GNAO1: variants seen among roughly 807,000 people sequenced by gnomAD.
GNAO1 encodes G protein subunit alpha o1, also known as guanine nucleotide-binding protein G(o) subunit alpha.
For synonymous variants in GNAO1, 164 were observed against 180.7 expected, an observed-to-expected ratio of 0.91 and a Z score of 0.74; for missense variants, 166 against 478.7, an observed-to-expected ratio of 0.35 and a Z score of 6.10.
In GNAO1 at chr16:56,284,985, C is replaced by T. The variant is rs141937696; in HGVS notation, c.303+8913C>T. 7.6e-3 allele frequency among the ~76,000 whole-genome samples: 1,156 copies of T among 152,330 alleles called. 12 individuals carry two copies. The highest frequency in any genetic ancestry group is 7.7e-3 in the Non-Finnish European group (526 of 68,032). Reference sequence around the variant, plus strand: ...GAGCAGGCACTCAGCCTCCAGGGCTCCAGCACATTGGCCCCTGCAGAGGCC... The same window carrying T: ...GAGCAGGCACTCAGCCTCCAGGGCTTCAGCACATTGGCCCCTGCAGAGGCC... On this transcript the variant is annotated intron_variant, in intron 3 of 8. Coordinates refer to ENST00000262493, the MANE Select transcript of GNAO1 (RefSeq NM_020988.3).
intron 3 of GNAO1, among the ~76,000 whole-genome samples, chr16:56,325,415 G>A (rs1195270630): frequency 1.3e-5 from 2 of 152,242 alleles, no homozygotes; most frequent in Admixed American, 6.5e-5. Context: ...GGCGGAGGTT[G>A]TGGTGAGCTG....
chr16:56,246,514 GT>G (rs2036745694), intron 2 of GNAO1, among the ~76,000 whole-genome samples: 1 of 152,208 alleles, frequency 6.6e-6, no homozygotes, highest in African/African-American at 2.4e-5. Context: ...CAAGTTCAGT[GT>G]CTCCTGGCTA....
intron 3 of GNAO1, among the ~76,000 whole-genome samples, chr16:56,308,678 G>A (rs2037422312): frequency 2.6e-5 from 4 of 152,212 alleles, no homozygotes; most frequent in Admixed American, 2.6e-4. Context: ...ATGTTGGGTG[G>A]AGGAACAGGA....
intron 2 of GNAO1, among the ~76,000 whole-genome samples, chr16:56,229,755 G>T (rs2036570739): frequency 6.6e-6 from 1 of 151,904 alleles, no homozygotes; most frequent in Non-Finnish European, 1.5e-5. Context: ...AAACCTTGAG[G>T]CCCAGAAACT....
intron 2 of GNAO1, chr16:56,213,196 G>C: frequency 2.5e-6 from 1 of 397,726 alleles, no homozygotes; most frequent in Non-Finnish European, 4.4e-6. Context: ...ACACAAAAGT[G>C]TTTGAAATTA....
chr16:56,311,605 C>T lies in GNAO1; in HGVS notation c.304-17026C>T, dbSNP rs183444789. Among the ~76,000 whole-genome samples, 592 of 152,220 alleles carry T rather than the reference C, an allele frequency of 3.9e-3. 9 individuals are homozygous for T. Among genetic ancestry groups the T allele is most frequent in the Middle Eastern group, 0.014 (4 of 294 alleles). On this transcript the variant is annotated intron_variant, in intron 3 of 8. Transcript: ENST00000262493. This position sits in a 1 kb window ranked among gnomAD's most constrained non-coding sequence, Gnocchi z 5.2. ...CTGGCCCTGCGCTGAACTGAGAACC[C>T]GAGGAGCGCGTCCCCTCCCTCCTCC...
intron 6 of GNAO1, chr16:56,343,674 G>A (rs1012735497): frequency 1.8e-5 from 19 of 1,046,972 alleles, no homozygotes; most frequent in Admixed American, 1.3e-4. Context: ...CCCAAGGCCG[G>A]ATGGCCACAC....
chr16:56,340,587 G>A, intron 6 of GNAO1: 3 of 483,164 alleles, frequency 6.2e-6, no homozygotes, highest in Non-Finnish European at 1.1e-5. Flanking sequence ...TCTTTGGAAG[G>A]GGGCAGCATC....
intron 3 of GNAO1, among the ~76,000 whole-genome samples, chr16:56,295,255 G>T (rs3790095): frequency 0.22 from 32,715 of 152,046 alleles, 3,974 homozygotes; most frequent in East Asian, 0.41. Flanking sequence ...TTGAACTTGT[G>T]GACTCTGGGG....
At chr16:56,213,776 C>T (rs2036413356) in intron 2 of GNAO1, among the ~76,000 whole-genome samples, 1 of 152,088 alleles carries the variant, frequency 6.6e-6, no homozygotes, top group Admixed American at 6.5e-5. Flanking sequence ...TACAGAGGCT[C>T]CAAGTCCCGA....
chr16:56,268,921 G>A (rs765490803), intron 2 of GNAO1, among the ~76,000 whole-genome samples: 12 of 152,184 alleles, frequency 7.9e-5, no homozygotes, highest in Non-Finnish European at 1.5e-4. Context: ...GATTAAAAAT[G>A]TGTCATATGA....
chr16:56,192,735 C>CACAA (rs1232626341), intron 2 of GNAO1, 119 bp downstream of exon 2: 1 of 672,538 alleles, frequency 1.5e-6, no homozygotes, highest in African/African-American at 1.8e-5. Flanking sequence ...TGCACACACA[C>CACAA]ACACACACAC....
At chr16:56,285,100 C>CA (rs1489552743) in intron 3 of GNAO1, among the ~76,000 whole-genome samples, 1 of 152,192 alleles carries the variant, frequency 6.6e-6, no homozygotes, top group African/African-American at 2.4e-5. Flanking sequence ...GGGCTGCCAT[C>CA]AGTCTCTACA....
At chr16:56,297,522 G>GGTGTGTGTGTGTGTGTGTGT in intron 3 of GNAO1, among the ~76,000 whole-genome samples, 1 of 134,408 alleles carries the variant, frequency 7.4e-6, no homozygotes, top group East Asian at 2.2e-4. Flanking sequence ...TTGTCTAACT[G>GGTGTGTGTGTGTGTGTGTGT]GTGTGTGTGT....
chr16:56,272,954 A>T (rs563931049), intron 2 of GNAO1, among the ~76,000 whole-genome samples: 3 of 152,234 alleles, frequency 2.0e-5, no homozygotes, highest in Admixed American at 1.3e-4. Flanking sequence ...TGCCTGCACC[A>T]CTCAGGTCAC....
intron 2 of GNAO1, among the ~76,000 whole-genome samples, chr16:56,267,118 G>A (rs1409482045): frequency 2.6e-5 from 4 of 152,180 alleles, no homozygotes; most frequent in Non-Finnish European, 5.9e-5. Context: ...TACAAGAGCA[G>A]AGTTAGTGGG....
intron 3 of GNAO1, among the ~76,000 whole-genome samples, chr16:56,312,787 G>A (rs1174847360): frequency 2.0e-5 from 3 of 152,204 alleles, no homozygotes; most frequent in African/African-American, 7.2e-5. Context: ...TGGGGCACGT[G>A]CCACCGCTCT....
intron 6 of GNAO1, among the ~76,000 whole-genome samples, chr16:56,337,629 C>G (rs559184161): frequency 6.6e-6 from 1 of 152,342 alleles, no homozygotes; most frequent in Non-Finnish European, 1.5e-5. Flanking sequence ...TTACTATTTT[C>G]CATAAAAGGG....
rs1474674414 is a variant in GNAO1, at chr16:56,326,232, G to T, written c.304-2399G>T. On this transcript the variant is annotated intron_variant, in intron 3 of 8. Transcript: ENST00000262493. The surrounding 1 kb of genome is among the most constrained non-coding windows in gnomAD (Gnocchi z 4.8). ...GCCCCAGGCGGGCAGTAGTCACTAG[G>T]CAGGGGTGTTCTCAGGACCTGCTAG... 6.6e-6 allele frequency among the ~76,000 whole-genome samples: 1 copy of T among 152,210 alleles called. No homozygotes were observed. Among genetic ancestry groups the T allele is most frequent in the East Asian group, 1.9e-4 (1 of 5,188 alleles).
Sources: gnomAD v4.1 joint callset for allele counts (sites outside exome capture counted in the v4.1 genomes callset) on GRCh38, gnomAD v4.1.1 for gene constraint, Gnocchi (gnomAD v3.1) non-coding constraint, MANE v1.5 for transcripts, NCBI Gene and HGNC (gene_info 2026-07-23, HGNC 2026-07-21) for gene names.